RASGRF2: variants seen among roughly 807,000 people sequenced by gnomAD.
RASGRF2 encodes ras-specific guanine nucleotide-releasing factor 2.
A neutral mutation model predicts 151.0 loss-of-function variants in RASGRF2; 76 were observed. The ratio of observed to expected loss-of-function variants is 0.50; its 90% CI spans 0.42 to 0.61. RASGRF2 has a LOEUF of 0.61. RASGRF2 is among the 20% of genes least tolerant of loss of function. The probability of loss-of-function intolerance (pLI) is 0.00; values close to 1 mark genes in which losing one functional copy is unlikely to be tolerated. For missense variants in RASGRF2, 1,148 were observed against 1,564.6 expected (o/e 0.73, Z 4.49); for synonymous variants, 504 against 566.5 (o/e 0.89, Z 1.57).
intron 1 of RASGRF2, among the ~76,000 whole-genome samples, chr5:80,980,605 G>A (rs1748266635): frequency 6.6e-6 from 1 of 152,124 alleles, no homozygotes. Context: ...TCGTGCCACT[G>A]CACTCTAGCC....
chr5:81,001,519 C>T (rs1379857670), intron 1 of RASGRF2, among the ~76,000 whole-genome samples: 3 of 152,018 alleles, frequency 2.0e-5, no homozygotes, highest in African/African-American at 7.2e-5. Context: ...GTTATTTTTC[C>T]CTTGGGAACA....
intron 12 of RASGRF2, among the ~76,000 whole-genome samples, chr5:81,100,000 C>T (rs1385707438): frequency 6.6e-6 from 1 of 151,174 alleles, no homozygotes; most frequent in Non-Finnish European, 1.5e-5. Context: ...CTCCGCCTCC[C>T]GGGTTCACGC....
At chr5:81,029,967 T>G (rs774699900) in intron 1 of RASGRF2, among the ~76,000 whole-genome samples, 1 of 152,136 alleles carries the variant, frequency 6.6e-6, no homozygotes, top group African/African-American at 2.4e-5. Flanking sequence ...AATGACCTGA[T>G]GGAGCTGAAA....
At chr5:81,172,073 T>C (rs1231249650) in intron 17 of RASGRF2, among the ~76,000 whole-genome samples, 1 of 152,202 alleles carries the variant, frequency 6.6e-6, no homozygotes, top group Non-Finnish European at 1.5e-5. Context: ...TATCTGGTCA[T>C]AAATCCTGGG....
chr5:81,047,681 C>G (rs1418431322), intron 2 of RASGRF2, among the ~76,000 whole-genome samples: 5 of 152,232 alleles, frequency 3.3e-5, no homozygotes, highest in African/African-American at 1.2e-4. Context: ...CCTGACCTAA[C>G]CCTTTGTTTC....
intron 1 of RASGRF2, among the ~76,000 whole-genome samples, chr5:81,006,052 A>G (rs1293690068): frequency 1.3e-5 from 2 of 152,264 alleles, no homozygotes; most frequent in Non-Finnish European, 2.9e-5. Context: ...CTTTCAAGAT[A>G]TGAAGGGAAA....
intron 17 of RASGRF2, among the ~76,000 whole-genome samples, chr5:81,168,892 C>G (rs1427837586): frequency 6.6e-6 from 1 of 152,176 alleles, no homozygotes; most frequent in Non-Finnish European, 1.5e-5. Context: ...TATTTCCTGT[C>G]CTCTTGGGTT....
intron 4 of RASGRF2, among the ~76,000 whole-genome samples, chr5:81,072,682 A>C (rs1751813362): frequency 6.6e-6 from 1 of 152,178 alleles, no homozygotes; most frequent in South Asian, 2.1e-4. Flanking sequence ...GTAACACGAG[A>C]TTAAAAACAG....
intron 7 of RASGRF2, among the ~76,000 whole-genome samples, chr5:81,084,981 C>T (rs1752187990): frequency 6.6e-6 from 1 of 152,200 alleles, no homozygotes; most frequent in African/African-American, 2.4e-5. Flanking sequence ...CTGTAAAAGC[C>T]TAAAACTTCT....
chr5:81,161,643 A>G (rs1754386359), intron 17 of RASGRF2, among the ~76,000 whole-genome samples: 1 of 152,174 alleles, frequency 6.6e-6, no homozygotes, highest in African/African-American at 2.4e-5. Context: ...TAGTTTGCTA[A>G]TATTACTAGA....
intron 22 of RASGRF2, among the ~76,000 whole-genome samples, chr5:81,209,181 G>A (rs985398957): frequency 1.3e-4 from 20 of 152,100 alleles, no homozygotes; most frequent in Non-Finnish European, 2.6e-4. Flanking sequence ...GGGCCTCTTG[G>A]AGCATAATCA....
intron 1 of RASGRF2, among the ~76,000 whole-genome samples, chr5:81,003,662 G>A (rs1175690918): frequency 6.6e-6 from 1 of 152,146 alleles, no homozygotes; most frequent in Non-Finnish European, 1.5e-5. Context: ...ATGCCTGGCC[G>A]AGACAATTTT....
At chr5:81,202,797 A>C (rs377633376) in intron 19 of RASGRF2, among the ~76,000 whole-genome samples, 5 of 152,240 alleles carry the variant, frequency 3.3e-5, no homozygotes, top group African/African-American at 9.6e-5. Context: ...CTGAAGATGG[A>C]GGCAGAGACT....
chr5:80,967,160 A>G (rs61119026), intron 1 of RASGRF2, among the ~76,000 whole-genome samples: 17 of 152,316 alleles, frequency 1.1e-4, no homozygotes, highest in African/African-American at 4.1e-4. Flanking sequence ...AGGTCGAGGC[A>G]GGTGGATCAC....
chr5:81,029,382 T>G (rs112323652), intron 1 of RASGRF2, among the ~76,000 whole-genome samples: 1 of 152,190 alleles, frequency 6.6e-6, no homozygotes, highest in Non-Finnish European at 1.5e-5. Context: ...AGTAGCCCAA[T>G]TGGGAGACAT....
intron 16 of RASGRF2, among the ~76,000 whole-genome samples, chr5:81,125,884 G>A (rs914698784): frequency 2.0e-5 from 3 of 152,242 alleles, no homozygotes; most frequent in Non-Finnish European, 4.4e-5. Context: ...TGGAGGAACT[G>A]AACAAGGACA....
intron 19 of RASGRF2, among the ~76,000 whole-genome samples, chr5:81,202,882 G>T (rs1755428580): frequency 6.6e-6 from 1 of 152,358 alleles, no homozygotes; most frequent in South Asian, 2.1e-4. Flanking sequence ...GCAAGGGAGG[G>T]TTCCCCTCCA....
intron 2 of RASGRF2, among the ~76,000 whole-genome samples, chr5:81,057,478 T>C (rs972291920): frequency 2.6e-5 from 4 of 152,206 alleles, no homozygotes; most frequent in African/African-American, 9.6e-5. Flanking sequence ...CTTTTCAACA[T>C]TTTATTTGAA....
At chr5:81,074,865 C>T (rs1391290747) in intron 5 of RASGRF2, among the ~76,000 whole-genome samples, 1 of 152,066 alleles carries the variant, frequency 6.6e-6, no homozygotes, top group African/African-American at 2.4e-5. Flanking sequence ...TTCACGTGCC[C>T]GGCAGTCCAG....
Sources: allele counts gnomAD v4.1 joint callset (sites outside exome capture counted in the v4.1 genomes callset), GRCh38; gene constraint gnomAD v4.1.1; transcripts MANE v1.5; gene names NCBI Gene and HGNC (gene_info 2026-07-23, HGNC 2026-07-21).